Variants in CCSER1 observed in about 807,000 individuals in gnomAD.
CCSER1 encodes the protein coiled-coil serine rich protein 1.
In CCSER1, 41 loss-of-function variants were observed where a neutral mutation model predicts 82.0. The ratio of observed to expected loss-of-function variants is 0.50; its 90% CI spans 0.39 to 0.65. The LOEUF (loss-of-function observed/expected upper bound fraction) is 0.65. Among genes scored for constraint, CCSER1 ranks in the 30% least tolerant of loss-of-function variants. CCSER1 has a pLI of 0.00. For missense variants in CCSER1, 1,119 were observed against 1,064.2 expected (o/e 1.05, Z -0.72); for synonymous variants, 414 against 383.9 (o/e 1.08, Z -0.92).
At chr4:90,482,970 G>C (rs1017950044) in intron 5 of CCSER1, among the ~76,000 whole-genome samples, 6 of 152,010 alleles carry the variant, frequency 3.9e-5, no homozygotes, top group Admixed American at 1.3e-4. Flanking sequence ...TTGACAGTGG[G>C]GTGTTAAAGT....
chr4:90,235,952 T>A (rs1173654147), intron 1 of CCSER1, among the ~76,000 whole-genome samples: 1 of 151,868 alleles, frequency 6.6e-6, no homozygotes, highest in African/African-American at 2.4e-5. Flanking sequence ...AATAAGTAAT[T>A]TTTTTTTGAG....
intron 6 of CCSER1, among the ~76,000 whole-genome samples, chr4:90,705,322 G>C (rs759177304): frequency 6.6e-6 from 1 of 152,210 alleles, no homozygotes; most frequent in Non-Finnish European, 1.5e-5. Context: ...CTGTCTGATT[G>C]TTCCTGTGGA....
At chr4:91,010,289 A>C (rs978904415) in intron 9 of CCSER1, among the ~76,000 whole-genome samples, 2 of 152,126 alleles carry the variant, frequency 1.3e-5, no homozygotes, top group African/African-American at 4.8e-5. Flanking sequence ...AGTCTGATGG[A>C]GATTACCTTA....
chr4:90,458,185 G>A (rs1397979170), intron 4 of CCSER1, among the ~76,000 whole-genome samples: 1 of 152,054 alleles, frequency 6.6e-6, no homozygotes, highest in Non-Finnish European at 1.5e-5. Flanking sequence ...GCGGCTCTTA[G>A]GAGAGCCCCT....
At chr4:90,992,950 G>C (rs779334034) in intron 9 of CCSER1, among the ~76,000 whole-genome samples, 1 of 151,894 alleles carries the variant, frequency 6.6e-6, no homozygotes, top group African/African-American at 2.4e-5. Flanking sequence ...AAGGAATGGG[G>C]CTCACACACC....
intron 1 of CCSER1, among the ~76,000 whole-genome samples, chr4:90,172,008 G>T (rs1398684055): frequency 6.6e-6 from 1 of 151,872 alleles, no homozygotes; most frequent in African/African-American, 2.4e-5. Context: ...AAGAAATTGA[G>T]AATCAGAGAA....
At chr4:90,875,656 A>G (rs1030793167) in intron 8 of CCSER1, among the ~76,000 whole-genome samples, 1 of 152,186 alleles carries the variant, frequency 6.6e-6, no homozygotes, top group African/African-American at 2.4e-5. Flanking sequence ...AAGGTATTAT[A>G]TAGTTGTAGA....
chr4:90,467,462 G>A (rs943742229), intron 4 of CCSER1, among the ~76,000 whole-genome samples: 7 of 151,952 alleles, frequency 4.6e-5, no homozygotes, highest in Non-Finnish European at 7.4e-5. Context: ...GAGGCGGGCC[G>A]ATCTCGAGGT....
chr4:91,131,757 A>G (rs55766379), intron 10 of CCSER1, among the ~76,000 whole-genome samples: 76,348 of 151,752 alleles, frequency 0.5, 19,438 homozygotes, highest in East Asian at 0.68. Context: ...TGAAGAATCT[A>G]TCAATACTCA....
intron 3 of CCSER1, among the ~76,000 whole-genome samples, chr4:90,335,519 A>G (rs1285032900): frequency 6.6e-6 from 1 of 152,182 alleles, no homozygotes; most frequent in African/African-American, 2.4e-5. Flanking sequence ...TGAGCTTTCT[A>G]TGACATTTCA....
At chr4:90,750,335 A>G (rs1022109147) in intron 7 of CCSER1, among the ~76,000 whole-genome samples, 1 of 152,112 alleles carries the variant, frequency 6.6e-6, no homozygotes, top group African/African-American at 2.4e-5. Flanking sequence ...ATAAACTCCT[A>G]GTCTGCTAGG....
chr4:90,279,689 A>G (rs1330040252), intron 1 of CCSER1, among the ~76,000 whole-genome samples: 1 of 152,044 alleles, frequency 6.6e-6, no homozygotes, highest in Non-Finnish European at 1.5e-5. Context: ...TCTAGTATCC[A>G]GAGAGCCTTA....
rs1742151668 is a variant in CCSER1 at position 91,043,471 on chromosome 4, A to C, written c.2173-42479A>C. Among the ~76,000 whole-genome samples the C allele has an allele frequency of 2.0e-5, 3 of 152,128 alleles. No homozygotes were observed. The South Asian group carries it at 6.2e-4, about 32-fold the overall frequency. The stretch of plus-strand genomic sequence containing the variant: ...AGGCCCAACCAAATGCACAGTCCAC[A>C]TACAAATATATAATTTTAAATTTGC... On this transcript the variant is annotated intron_variant, in intron 9 of 10. Transcript: ENST00000509176.
At chr4:90,649,753 AG>A (rs1437649286) in intron 6 of CCSER1, 3 of 152,250 alleles carry the variant, frequency 2.0e-5, no homozygotes, top group African/African-American at 4.8e-5. Context: ...TCTGAGCTTT[AG>A]AAATCATATT....
chr4:91,049,280 A>G (rs982761616), intron 9 of CCSER1, among the ~76,000 whole-genome samples: 1 of 152,196 alleles, frequency 6.6e-6, no homozygotes, highest in Non-Finnish European at 1.5e-5. Context: ...GGATCTCGGA[A>G]TAATAATGCA....
chr4:90,136,839 A>T (rs1042115293), intron 1 of CCSER1, among the ~76,000 whole-genome samples: 2 of 152,224 alleles, frequency 1.3e-5, no homozygotes, highest in African/African-American at 4.8e-5. Flanking sequence ...AAAACCATGC[A>T]TATATCCCAG....
At chr4:91,168,871 C>G in intron 10 of CCSER1, among the ~76,000 whole-genome samples, 1 of 152,146 alleles carries the variant, frequency 6.6e-6, no homozygotes, top group South Asian at 2.1e-4. Context: ...ATTCTTCTGC[C>G]TTGGGATGCT....
At chr4:91,242,386 A>G (rs1364286826) in intron 10 of CCSER1, among the ~76,000 whole-genome samples, 1 of 152,202 alleles carries the variant, frequency 6.6e-6, no homozygotes, top group Non-Finnish European at 1.5e-5. Flanking sequence ...AGCAAACACT[A>G]AAATGACTCA....
chr4:90,788,492 A>G (rs1039452802), intron 7 of CCSER1, among the ~76,000 whole-genome samples: 1 of 152,256 alleles, frequency 6.6e-6, no homozygotes, highest in Middle Eastern at 3.4e-3. Context: ...CAAGCCTGGT[A>G]TCTGGTAGTT....
Sources: gnomAD v4.1 joint callset for allele counts (sites outside exome capture counted in the v4.1 genomes callset) on GRCh38, gnomAD v4.1.1 for gene constraint, MANE v1.5 for transcripts, NCBI Gene and HGNC (gene_info 2026-07-23, HGNC 2026-07-21) for gene names.